Variants in SCAF4 observed in about 807,000 individuals in gnomAD.
SCAF4 encodes SR-related and CTD-associated factor 4.
A neutral mutation model predicts 129.8 loss-of-function variants in SCAF4; 25 were observed. The ratio of observed to expected loss-of-function variants is 0.19; its 90% confidence interval spans 0.14 to 0.27. The LOEUF is 0.27. Ranked by LOEUF, SCAF4 falls within the 10% of genes least tolerant of loss-of-function variation. The pLI, the probability that SCAF4 is intolerant of heterozygous loss-of-function variation, is 1.00. For synonymous variants in SCAF4, 551 were observed against 497.7 expected (o/e 1.11, Z -1.43); for missense variants, 1,246 against 1,457.1 (o/e 0.86, Z 2.36).
At chr21:31,707,691 T>C (rs558155475) in intron 1 of SCAF4, among the ~76,000 whole-genome samples, 92 of 152,336 alleles carry the variant, frequency 6.0e-4, no homozygotes, top group Non-Finnish European at 9.8e-4. Flanking sequence ...ATTCCAAATA[T>C]GGAGCCCTAG....
At chr21:31,697,470 T>G (rs1014828752) in intron 7 of SCAF4, among the ~76,000 whole-genome samples, 1 of 150,358 alleles carries the variant, frequency 6.7e-6, no homozygotes, top group Non-Finnish European at 1.5e-5. Context: ...TGTAGATAGT[T>G]TCTTCTTTTT....
At chr21:31,723,636 G>A (rs934943980) in intron 1 of SCAF4, among the ~76,000 whole-genome samples, 2 of 146,678 alleles carry the variant, frequency 1.4e-5, no homozygotes, top group Non-Finnish European at 3.0e-5. Flanking sequence ...GTGTGCGCGC[G>A]CGCGCGCGCG....
chr21:31,690,746 G>A (rs1210491365), intron 15 of SCAF4, 51 bp downstream of exon 15: 2 of 1,533,864 alleles, frequency 1.3e-6, no homozygotes, highest in South Asian at 2.5e-5. Flanking sequence ...TTTGTCATAT[G>A]TACTACCAAG....
intron 1 of SCAF4, among the ~76,000 whole-genome samples, chr21:31,728,768 G>A (rs2051272414): frequency 6.6e-6 from 1 of 151,214 alleles, no homozygotes; most frequent in African/African-American, 2.4e-5. Context: ...CTATCTCTTA[G>A]TTGCTTCCAA....
chr21:31,697,599 T>C (rs1047937799), intron 7 of SCAF4, among the ~76,000 whole-genome samples: 2 of 152,238 alleles, frequency 1.3e-5, no homozygotes, highest in Non-Finnish European at 2.9e-5. Context: ...CCTCAGTCTC[T>C]GGCTTTCAAT....
In SCAF4 at chr21:31,685,709, G is replaced by C. The variant is rs2050104738; in HGVS notation, c.2068C>G (p.Pro690Ala). The C allele has an allele frequency of 3.1e-6, 5 of 1,605,868 alleles. No homozygotes were observed. Among genetic ancestry groups the C allele is most frequent in the Non-Finnish European group, 2.5e-6 (3 of 1,176,652 alleles). Residue 690 changes from proline to alanine, a missense_variant, in exon 17 of 20, where the codon CCT becomes GCT. By Grantham distance (27) the Pro-to-Ala change is conservative. Coordinates refer to ENST00000286835, the MANE Select transcript of SCAF4 (RefSeq NM_020706.2). ...GGCGGCTGGAGAGCACCAACTACAG[G>C]TGGACCCGGTTGATGTGGTGGGACC... ...PQVPPHQPGP[P>A]VVGALQPPAF...
At chr21:31,727,578 G>T (rs1279294572) in intron 1 of SCAF4, among the ~76,000 whole-genome samples, 2 of 152,100 alleles carry the variant, frequency 1.3e-5, no homozygotes, top group East Asian at 3.9e-4. Flanking sequence ...TGGATCACGA[G>T]GTCAAGAGAT....
intron 19 of SCAF4, among the ~76,000 whole-genome samples, chr21:31,677,057 A>C (rs954971424): frequency 6.6e-6 from 1 of 152,182 alleles, no homozygotes; most frequent in African/African-American, 2.4e-5. Flanking sequence ...CGTGATATGA[A>C]TATACCATAT....
chr21:31,731,727 C>G lies in SCAF4; in HGVS notation c.-35G>C. On this transcript the variant is annotated 5_prime_UTR_variant, in exon 1 of 20. Coordinates refer to ENST00000286835, the MANE Select transcript of SCAF4 (RefSeq NM_020706.2). ...GCGGCGGCGGCTGCTCCGGGCCCGCCGGTCACATAGACCTCGCGCCGCGGC... is the reference window on the plus strand; with the variant it reads ...GCGGCGGCGGCTGCTCCGGGCCCGCGGGTCACATAGACCTCGCGCCGCGGC... 4 of 1,570,570 alleles carry G rather than the reference C, an allele frequency of 2.5e-6. No individual in the cohort carries two copies. The highest frequency in any genetic ancestry group is 3.4e-6 in the Non-Finnish European group (4 of 1,165,394).
chr21:31,712,914 A>G (rs1198699984), intron 1 of SCAF4: 1 of 957,864 alleles, frequency 1.0e-6, no homozygotes, highest in Non-Finnish European at 1.2e-6. Context: ...TAAAATAATC[A>G]GTGCTTAATA....
chr21:31,707,087 A>G (rs2050683796), intron 1 of SCAF4, among the ~76,000 whole-genome samples: 1 of 152,210 alleles, frequency 6.6e-6, no homozygotes, highest in Admixed American at 6.5e-5. Flanking sequence ...CAACCAGAAC[A>G]GAGTGTGGGA....
At chr21:31,692,498 A>G in intron 12 of SCAF4, 49 bp from the exon 13 acceptor site, 1 of 1,229,002 alleles carries the variant, frequency 8.1e-7, no homozygotes, top group Non-Finnish European at 1.2e-6. Context: ...GATAATGAGC[A>G]GCACTGTAGC....
chr21:31,671,261 GCAAT>G lies in SCAF4; in HGVS notation c.*134_*137del, dbSNP rs1326800613. The G allele has an allele frequency of 1.0e-5, 8 of 777,308 alleles. 1 individual carries two copies. Among genetic ancestry groups the G allele is most frequent in the South Asian group, 9.0e-5 (3 of 33,348 alleles). The allele number at this position is 777,308 out of a possible 1,614,324, so 48.2% of individuals were successfully genotyped here. A position where few individuals can be genotyped will look rare whatever the true frequency, so the allele number is the denominator to read the frequency against. On this transcript the variant is annotated 3_prime_UTR_variant, in exon 20 of 20. Coordinates refer to ENST00000286835, the MANE Select transcript of SCAF4 (RefSeq NM_020706.2). ...GTGGCTATTTTTAAATAGAAGGGAA[GCAAT>G]CAAATTGCTTACAGTTCCCCACCAG...
rs192218195 is a variant in SCAF4, at chr21:31,726,199, C to A, written c.30+5464G>T. ...TAGCTGGGATTACAGGCGCCCGCCACCACACCCAGCTAATTTTTTGTATTT... is the reference window on the plus strand; with the variant it reads ...TAGCTGGGATTACAGGCGCCCGCCAACACACCCAGCTAATTTTTTGTATTT... On this transcript the variant is annotated intron_variant, in intron 1 of 19. Transcript: ENST00000286835. Among the ~76,000 whole-genome samples, 137 of 152,198 alleles carry A rather than the reference C, an allele frequency of 9.0e-4. 2 individuals carry two copies. The highest frequency in any genetic ancestry group is 3.0e-3 in the African/African-American group (126 of 41,552).
chr21:31,723,442 C>T (rs1285099376), intron 1 of SCAF4, among the ~76,000 whole-genome samples: 2 of 150,364 alleles, frequency 1.3e-5, no homozygotes, highest in Non-Finnish European at 3.0e-5. Flanking sequence ...GACAGAGCAA[C>T]ACTCCGTCTC....
At chr21:31,676,139 G>A (rs1483399570) in intron 19 of SCAF4, among the ~76,000 whole-genome samples, 1 of 151,942 alleles carries the variant, frequency 6.6e-6, no homozygotes, top group Non-Finnish European at 1.5e-5. Context: ...ATTTCAGTGA[G>A]ATCTTTACAG....
At chr21:31,695,904 C>T (rs1314056235) in intron 9 of SCAF4, among the ~76,000 whole-genome samples, 1 of 152,124 alleles carries the variant, frequency 6.6e-6, no homozygotes, top group Non-Finnish European at 1.5e-5. Flanking sequence ...TAAAAAAATG[C>T]CTATTATTAA....
intron 1 of SCAF4, among the ~76,000 whole-genome samples, chr21:31,725,073 C>G (rs2051168466): frequency 6.6e-6 from 1 of 152,148 alleles, no homozygotes; most frequent in Non-Finnish European, 1.5e-5. Context: ...AACCAACTTT[C>G]AACATTCAAA....
intron 1 of SCAF4, chr21:31,712,778 C>A (rs1422911470): frequency 2.4e-6 from 1 of 422,258 alleles, no homozygotes; most frequent in Admixed American, 6.4e-5. Flanking sequence ...GATCCACCCA[C>A]CTCGGCCTCC....
Sources: allele counts gnomAD v4.1 joint callset (sites outside exome capture counted in the v4.1 genomes callset), GRCh38; gene constraint gnomAD v4.1.1; transcripts MANE v1.5; gene names NCBI Gene and HGNC (gene_info 2026-07-23, HGNC 2026-07-21).